The following ASIC2 variants were observed in gnomAD, a reference collection of about 807,000 sequenced individuals.
ASIC2 encodes acid-sensing ion channel 2.
In ASIC2, 25 loss-of-function variants were observed where a neutral mutation model predicts 57.3. The observed-to-expected ratio is 0.44, with a 90% CI of 0.32 to 0.61. ASIC2 has a LOEUF of 0.61. Ranked by LOEUF, ASIC2 falls within the 20% of genes least tolerant of loss-of-function variation. ASIC2 has a pLI of 0.06. For missense variants in ASIC2, 641 were observed against 738.1 expected (o/e 0.87, Z 1.52); for synonymous variants, 319 against 307.5 (o/e 1.04, Z -0.39).
Position 34,095,646 on chromosome 17 carries a change from T to C in ASIC2, c.555+60332A>G, listed in dbSNP as rs1016254443. Among the ~76,000 whole-genome samples the C allele has an allele frequency of 2.5e-5, 3 of 119,012 alleles. No individual in the cohort carries two copies. In the Admixed American group the frequency reaches 2.7e-4, roughly 11 times the overall value. 78.1% of individuals were successfully genotyped at this position (119,012 alleles called of 152,430 possible). ...ATATATATAATTTTATATATATATA[T>C]ATATATATAATTTTATATATATATA... On this transcript the variant is annotated intron_variant, in intron 1 of 9. Transcript: ENST00000359872.
chr17:34,132,445 T>C (rs1912012347), intron 1 of ASIC2, among the ~76,000 whole-genome samples: 1 of 152,134 alleles, frequency 6.6e-6, no homozygotes, highest in Non-Finnish European at 1.5e-5. Flanking sequence ...CCCTTATTTG[T>C]CTCCGCCCAT....
At position 33,703,170 on chromosome 17, in the gene ASIC2, C is replaced by T. The variant is rs115825794; in HGVS notation, c.555+452808G>A. ...GGTTTGTTTGAAGAATGGAAAGAAC[C>T]TCAGGATACATGGACGCCTAGAACA... On this transcript the variant is annotated intron_variant, in intron 1 of 9. Coordinates refer to the ASIC2 transcript ENST00000359872. Among the ~76,000 whole-genome samples the T allele has an allele frequency of 1.3e-3, 199 of 152,260 alleles. 1 individual carries two copies. The highest frequency in any genetic ancestry group is 4.7e-3 in the African/African-American group (196 of 41,530).
intron 1 of ASIC2, among the ~76,000 whole-genome samples, chr17:33,219,640 G>C (rs895506188): frequency 3.9e-5 from 6 of 152,140 alleles, no homozygotes; most frequent in Admixed American, 2.0e-4. Flanking sequence ...GTGTCCTGCG[G>C]GACTCTGGGG....
intron 1 of ASIC2, among the ~76,000 whole-genome samples, chr17:33,658,439 T>C (rs1907144373): frequency 6.6e-6 from 1 of 152,228 alleles, no homozygotes; most frequent in Admixed American, 6.5e-5. Context: ...CAGTTTGCTC[T>C]GGAATGGGAG....
At chr17:33,524,417 T>G (rs1420840373) in intron 1 of ASIC2, among the ~76,000 whole-genome samples, 3 of 152,198 alleles carry the variant, frequency 2.0e-5, no homozygotes, top group Non-Finnish European at 4.4e-5. Flanking sequence ...GAGCTTGGTC[T>G]CTTTGATTGG....
chr17:34,109,034 ATTTTATTTTATTTTAT>A lies in ASIC2; in HGVS notation c.555+46928_555+46943del, dbSNP rs1911170711. Among the ~76,000 whole-genome samples, 18 of 116,732 alleles carry A rather than the reference ATTTTATTTTATTTTAT, an allele frequency of 1.5e-4. No individual in the cohort carries two copies. In the South Asian group the frequency reaches 3.8e-3, roughly 25 times the overall value. 76.6% of individuals were successfully genotyped at this position (116,732 alleles called of 152,430 possible). ...ATTTTCTTTTTTTATTTGTTGATTT[ATTTTATTTTATTTTAT>A]TTTTATTTTATTTTATTATTATTAT... On this transcript the variant is annotated intron_variant, in intron 1 of 9. Transcript: ENST00000359872.
At chr17:33,524,093 C>T (rs1914820588) in intron 1 of ASIC2, among the ~76,000 whole-genome samples, 1 of 152,176 alleles carries the variant, frequency 6.6e-6, no homozygotes, top group African/African-American at 2.4e-5. Context: ...TGCCCCTGGG[C>T]CAATGCTGGT....
chr17:34,051,215 C>G lies in ASIC2; in HGVS notation c.555+104763G>C, dbSNP rs909358513. Among the ~76,000 whole-genome samples, 8 of 152,182 alleles carry G rather than the reference C, an allele frequency of 5.3e-5. No homozygotes were observed. The East Asian group carries it at 9.6e-4, about 18-fold the overall frequency. On this transcript the variant is annotated intron_variant, in intron 1 of 9. Coordinates refer to the ASIC2 transcript ENST00000359872. ...AAACAAGCTCATGGCAGCAAGCAAA[C>G]TGGTGACGTGTGACTCCTCTTTAAT...
At chr17:33,209,706 T>C (rs1465907825) in intron 1 of ASIC2, among the ~76,000 whole-genome samples, 2 of 152,238 alleles carry the variant, frequency 1.3e-5, no homozygotes, top group African/African-American at 4.8e-5. Flanking sequence ...CCAAGTTAAG[T>C]GCCCCATAAA....
intron 1 of ASIC2, among the ~76,000 whole-genome samples, chr17:34,132,131 G>C (rs962515365): frequency 6.6e-6 from 1 of 152,156 alleles, no homozygotes; most frequent in Non-Finnish European, 1.5e-5. Context: ...TCTCAACTTT[G>C]CCACTTACCA....
intron 1 of ASIC2, among the ~76,000 whole-genome samples, chr17:33,332,963 C>G (rs141848100): frequency 6.6e-6 from 1 of 152,102 alleles, no homozygotes; most frequent in Admixed American, 6.6e-5. Flanking sequence ...CTAGGAGAGG[C>G]CTTCTCTCAT....
chr17:33,626,997 C>G (rs551951710), intron 1 of ASIC2: 4 of 152,426 alleles, frequency 2.6e-5, no homozygotes, highest in Admixed American at 2.0e-4. Context: ...TGTCCAGTCT[C>G]ACTTCTGGCC....
chr17:33,689,755 C>T (rs1908308717), intron 1 of ASIC2, among the ~76,000 whole-genome samples: 1 of 152,346 alleles, frequency 6.6e-6, no homozygotes, highest in Non-Finnish European at 1.5e-5. Context: ...CTGGTGGGCC[C>T]TAAGTCCAGT....
At chr17:33,682,730 A>G (rs893703166) in intron 1 of ASIC2, among the ~76,000 whole-genome samples, 1 of 152,228 alleles carries the variant, frequency 6.6e-6, no homozygotes, top group African/African-American at 2.4e-5. Flanking sequence ...ATATTAAAAA[A>G]AAAATAAGAA....
rs797011622 is a variant in ASIC2, at chr17:33,614,440, C to T, written c.556-502373G>A. Among the ~76,000 whole-genome samples the T allele has an allele frequency of 3.3e-5, 5 of 152,308 alleles. 1 individual carries two copies. The highest frequency in any genetic ancestry group is 1.2e-4 in the African/African-American group (5 of 41,566). On this transcript the variant is annotated intron_variant, in intron 1 of 9. Coordinates refer to the ASIC2 transcript ENST00000359872. ...TTTCTTCTTCCTTAGACTGAGCCAA[C>T]CCTGCACAGCCAGATCTGTGAGTTC... is the stretch of plus-strand genomic sequence containing the variant.
intron 1 of ASIC2, among the ~76,000 whole-genome samples, chr17:33,337,755 A>G (rs1316360262): frequency 8.7e-5 from 10 of 115,508 alleles, no homozygotes; most frequent in Middle Eastern, 6.8e-3. Flanking sequence ...GGGCAAAGAA[A>G]ATGTAAGTGT....
rs143436817 is a variant in ASIC2 at position 33,075,687 on chromosome 17, T to C, written c.987+13176A>G. Among the ~76,000 whole-genome samples, 801 of 152,224 alleles carry C rather than the reference T, an allele frequency of 5.3e-3. 7 individuals are homozygous for C. Among genetic ancestry groups the C allele is most frequent in the African/African-American group, 0.018 (729 of 41,528 alleles). ...TTCTGGGGGAAACTTGGGGGCTCAC[T>C]TCAATTCCACAAACACCAGCTGAGC... is the stretch of plus-strand genomic sequence containing the variant. On this transcript the variant is annotated intron_variant, in intron 3 of 9. Transcript: ENST00000225823.
intron 1 of ASIC2, among the ~76,000 whole-genome samples, chr17:33,382,663 C>T (rs1261598708): frequency 6.6e-6 from 1 of 152,134 alleles, no homozygotes. Context: ...TTTGACTATC[C>T]TTGTTTTATA....
chr17:33,608,077 G>A (rs571130037), intron 1 of ASIC2, among the ~76,000 whole-genome samples: 1 of 152,190 alleles, frequency 6.6e-6, no homozygotes, highest in East Asian at 1.9e-4. Context: ...AAATACAATC[G>A]GGCCAAGGAA....
Sources: allele counts gnomAD v4.1 joint callset (sites outside exome capture counted in the v4.1 genomes callset), GRCh38; gene constraint gnomAD v4.1.1; transcripts MANE v1.5; gene names NCBI Gene and HGNC (gene_info 2026-07-23, HGNC 2026-07-21).